Variants in ACACA observed in about 807,000 individuals in gnomAD.
ACACA encodes the protein acetyl-CoA carboxylase 1.
Under a neutral mutation model 296.1 loss-of-function variants are expected in ACACA, and 103 were observed. That is an observed-to-expected ratio of 0.35 (90% confidence interval 0.30 to 0.41). ACACA has a LOEUF of 0.41. ACACA is among the 10% of genes least tolerant of loss of function. The pLI, the probability that ACACA is intolerant of heterozygous loss-of-function variation, is 1.00. For missense variants in ACACA, 1,554 were observed against 2,989.7 expected (o/e 0.52, Z 11.20); for synonymous variants, 953 against 1,038.6 (o/e 0.92, Z 1.58).
intron 6 of ACACA, 147 bp from the exon 7 acceptor site, chr17:37,277,261 G>A: frequency 1.3e-6 from 1 of 746,570 alleles, no homozygotes; most frequent in East Asian, 2.6e-5. Flanking sequence ...ATGCTTGATT[G>A]TTGGCAAACT....
At chr17:37,317,212 T>TA (rs1300833739) in intron 3 of ACACA, among the ~76,000 whole-genome samples, 1 of 152,182 alleles carries the variant, frequency 6.6e-6, no homozygotes, top group Non-Finnish European at 1.5e-5. Context: ...CCTTAAGTGG[T>TA]AAAAAATACA....
intron 54 of ACACA, among the ~76,000 whole-genome samples, chr17:37,091,978 T>C (rs957326842): frequency 6.6e-6 from 1 of 152,094 alleles, no homozygotes; most frequent in Non-Finnish European, 1.5e-5. Context: ...AAGCCATTAT[T>C]ATTTCCCTCC....
intron 1 of ACACA, among the ~76,000 whole-genome samples, chr17:37,402,005 A>T (rs1250273202): frequency 1.3e-5 from 2 of 152,180 alleles, no homozygotes; most frequent in African/African-American, 4.8e-5. Context: ...ACAAAAGTCA[A>T]CCTTTTCAGT....
intron 39 of ACACA, among the ~76,000 whole-genome samples, chr17:37,185,235 T>C (rs1272713292): frequency 6.6e-6 from 1 of 151,894 alleles, no homozygotes; most frequent in Non-Finnish European, 1.5e-5. Context: ...AATAAAGGTG[T>C]TATTTATTAT....
chr17:37,220,128 T>C (rs1041385672), intron 29 of ACACA, among the ~76,000 whole-genome samples: 1 of 152,330 alleles, frequency 6.6e-6, no homozygotes, highest in African/African-American at 2.4e-5. Context: ...ATAAGTTTTG[T>C]AACCACATTG....
intron 2 of ACACA, among the ~76,000 whole-genome samples, chr17:37,331,240 C>T (rs1043186182): frequency 2.0e-5 from 3 of 150,788 alleles, no homozygotes; most frequent in Non-Finnish European, 4.4e-5. Context: ...GCCTCAGCCT[C>T]CTGAGTACCT....
At position 37,205,782 on chromosome 17, in the gene ACACA, C is replaced by T. The variant is rs2078470632; in HGVS notation, c.4039G>A (p.Glu1347Lys). The T allele has an allele frequency of 6.2e-7, 1 of 1,613,528 alleles. No individual in the cohort carries two copies. Among genetic ancestry groups the T allele is most frequent in the African/African-American group, 1.3e-5 (1 of 74,906 alleles). Residue 1347 changes from glutamate (E) to lysine (K), a missense_variant, in exon 33 of 56, where the codon GAA becomes AAA. Glu to Lys is a moderately conservative substitution (Grantham distance 56). Coordinates refer to ENST00000616317, the MANE Select transcript of ACACA (RefSeq NM_198834.3). The stretch of plus-strand genomic sequence containing the variant: ...GAACTTACATTTTGCTGGGTAAATT[C>T]TCTGAACATAGCTGCCAGCCTGTCA... ...EDDRLAAMFR[E>K]FTQQNKATLV...
intron 1 of ACACA, among the ~76,000 whole-genome samples, chr17:37,372,521 T>C (rs1354499867): frequency 2.0e-5 from 3 of 150,628 alleles, no homozygotes; most frequent in Non-Finnish European, 4.4e-5. Context: ...GAAACCGAAA[T>C]AGAGGCCAAG....
At chr17:37,109,720 G>A (rs565558501) in intron 52 of ACACA, among the ~76,000 whole-genome samples, 1 of 152,324 alleles carries the variant, frequency 6.6e-6, no homozygotes, top group South Asian at 2.1e-4. Context: ...GGTTGAAGGT[G>A]GGAGCGACAT....
intron 45 of ACACA, among the ~76,000 whole-genome samples, chr17:37,146,672 G>C (rs1051639876): frequency 1.3e-4 from 19 of 142,248 alleles, no homozygotes; most frequent in South Asian, 5.1e-4. Context: ...GGGGGGAAGG[G>C]GGGGGCAGAG....
At chr17:37,241,132 T>C (rs947977315) in intron 23 of ACACA, among the ~76,000 whole-genome samples, 3 of 151,806 alleles carry the variant, frequency 2.0e-5, no homozygotes, top group African/African-American at 4.8e-5. Context: ...GAGGCAGAGG[T>C]TGCAGTGAGC....
chr17:37,305,561 T>TA (rs1424471886), intron 3 of ACACA, among the ~76,000 whole-genome samples: 10 of 152,364 alleles, frequency 6.6e-5, no homozygotes, highest in African/African-American at 2.2e-4. Context: ...CCCTAGCTGT[T>TA]ACTTTCCGTT....
At chr17:37,168,620 C>T (rs1037966620) in intron 41 of ACACA, among the ~76,000 whole-genome samples, 2 of 151,750 alleles carry the variant, frequency 1.3e-5, no homozygotes, top group East Asian at 1.9e-4. Flanking sequence ...ATACTACAAC[C>T]GATCTTATTT....
At position 37,235,072 on chromosome 17, in the gene ACACA, A is replaced by G; in HGVS notation, c.3149T>C (p.Leu1050Pro). 1 of 1,613,618 alleles carries G rather than the reference A, an allele frequency of 6.2e-7. No homozygotes were observed. The highest frequency in any genetic ancestry group is 8.5e-7 in the Non-Finnish European group (1 of 1,179,888). Residue 1050 changes from leucine (L) to proline (P), a missense_variant, in exon 25 of 56, where the codon CTC (leucine) becomes CCC (proline). Leu to Pro is a moderately conservative substitution (Grantham distance 98). This residue lies in a region of ACACA where 316 missense variants were observed against 540.9 expected (regional missense o/e 0.58). Coordinates refer to ENST00000616317, the MANE Select transcript of ACACA (RefSeq NM_198834.3). ...NGHYDKCVFA[L>P]REENKSDMNT... ...CATGTCACTTTTATTCTCTTCTCGG[A>G]GGGCGAATACACATTTGTCATAGTG...
intron 5 of ACACA, among the ~76,000 whole-genome samples, chr17:37,278,398 C>T (rs2082364027): frequency 6.6e-6 from 1 of 152,090 alleles, no homozygotes; most frequent in African/African-American, 2.4e-5. Context: ...TAGAGAAAGC[C>T]CTTTTCCTGG....
intron 1 of ACACA, chr17:37,379,378 C>T (rs1412058317): frequency 1.2e-6 from 2 of 1,613,312 alleles, no homozygotes; most frequent in Non-Finnish European, 1.7e-6. Flanking sequence ...TTCTAAAAGG[C>T]AAAGGTGAGA....
chr17:37,285,709 GT>G (rs1027322250), intron 3 of ACACA, among the ~76,000 whole-genome samples: 1 of 128,968 alleles, frequency 7.8e-6, no homozygotes, highest in Non-Finnish European at 1.6e-5. Context: ...GTTACTTGGG[GT>G]GGGGGGTGGG....
rs187732290 is a variant in ACACA at position 37,284,993 on chromosome 17, A to G, written c.339-23T>C. The G allele has an allele frequency of 5.5e-4, 888 of 1,614,094 alleles. 7 individuals are homozygous for G. The East Asian group carries it at 0.017, about 30-fold the overall frequency. ...GACCTATAAAAATACAGAAGCCATA[A>G]AAACACCACCTATATTTTCTGGAGA... On this transcript the variant is annotated intron_variant, in intron 3 of 55. Coordinates refer to ENST00000616317, the MANE Select transcript of ACACA (RefSeq NM_198834.3).
Position 37,180,166 on chromosome 17 carries a change from TTAGAATGTGATTTATATTATATTTATA to T in ACACA, c.4933-787_4933-761del, listed in dbSNP as rs1339781125. Among the ~76,000 whole-genome samples the T allele has an allele frequency of 3.9e-5, 6 of 152,184 alleles. No homozygotes were observed. The South Asian group carries it at 8.3e-4, about 21-fold the overall frequency. ...ATGCCTATTATATAGGAAGAATTAC[TTAGAATGTGATTTATATTATATTTATA>T]TAGAATGTGATTTATATTATATTTA... On this transcript the variant is annotated intron_variant, in intron 40 of 55. Transcript: ENST00000616317.
Sources: allele counts gnomAD v4.1 joint callset (sites outside exome capture counted in the v4.1 genomes callset), GRCh38; gene constraint gnomAD v4.1.1; regional missense constraint gnomAD v4.1.1; transcripts MANE v1.5; gene names NCBI Gene and HGNC (gene_info 2026-07-23, HGNC 2026-07-21).